The following MMP16 variants were observed in gnomAD, a reference collection of about 807,000 sequenced individuals.
MMP16 encodes matrix metallopeptidase 16.
A neutral mutation model predicts 67.8 loss-of-function variants in MMP16; 12 were observed. The ratio of observed to expected loss-of-function variants is 0.18; its 90% confidence interval spans 0.11 to 0.29. The LOEUF (loss-of-function observed/expected upper bound fraction) is 0.29. MMP16 is among the 10% of genes least tolerant of loss of function. MMP16 has a pLI of 1.00. For missense variants in MMP16, 475 were observed against 765.7 expected, an observed-to-expected ratio of 0.62 and a Z score of 4.48; for synonymous variants, 249 against 255.9, an observed-to-expected ratio of 0.97 and a Z score of 0.26.
At chr8:88,301,050 G>T (rs1395536506) in intron 1 of MMP16, among the ~76,000 whole-genome samples, 1 of 152,094 alleles carries the variant, frequency 6.6e-6, no homozygotes, top group Non-Finnish European at 1.5e-5. Flanking sequence ...CTTTATTTTT[G>T]CCTTATTAAT....
At chr8:88,045,395 G>A (rs1808186260) in intron 9 of MMP16, among the ~76,000 whole-genome samples, 1 of 151,826 alleles carries the variant, frequency 6.6e-6, no homozygotes, top group African/African-American at 2.4e-5. Flanking sequence ...TTTTTAGACA[G>A]AGACTGGCTC....
intron 2 of MMP16, among the ~76,000 whole-genome samples, chr8:88,195,532 A>G (rs2129777325): frequency 6.6e-6 from 1 of 152,308 alleles, no homozygotes; most frequent in East Asian, 1.9e-4. Flanking sequence ...TTTAAATGGA[A>G]TTTGGTACTA....
chr8:88,195,639 A>C lies in MMP16; in HGVS notation c.281+1519T>G, dbSNP rs973045945. Among the ~76,000 whole-genome samples, 7 of 152,192 alleles carry C rather than the reference A, an allele frequency of 4.6e-5. No homozygotes were observed. The South Asian group carries it at 1.2e-3, about 27-fold the overall frequency. ...AAGGGGCATATTATGCCTTAAAATG[A>C]TATTATAGCATTCAGAGAGAATTGC... On this transcript the variant is annotated intron_variant, in intron 2 of 9. Coordinates refer to ENST00000286614, the MANE Select transcript of MMP16 (RefSeq NM_005941.5).
chr8:88,101,293 A>G (rs971966772), intron 6 of MMP16, among the ~76,000 whole-genome samples: 1 of 151,878 alleles, frequency 6.6e-6, no homozygotes, highest in Non-Finnish European at 1.5e-5. Flanking sequence ...CATAAAATAA[A>G]TAGATACATT....
chr8:88,220,135 GAA>G (rs1212514119), intron 1 of MMP16, among the ~76,000 whole-genome samples: 3 of 151,958 alleles, frequency 2.0e-5, no homozygotes, highest in African/African-American at 7.2e-5. Context: ...TTAATATATA[GAA>G]ATTCTTAAAA....
rs558226084 is a variant in MMP16, at chr8:88,088,636, C to T, written c.1084-13893G>A. ...AATCCTCATTACCATTACCTAATTG[C>T]TTTATGCTAATATGCTCTTGAAAGC... On this transcript the variant is annotated intron_variant, in intron 6 of 9. Transcript: ENST00000286614. Among the ~76,000 whole-genome samples, 3 of 152,210 alleles carry T rather than the reference C, an allele frequency of 2.0e-5. No individual in the cohort carries two copies. The East Asian group carries it at 5.8e-4, about 30-fold the overall frequency.
chr8:88,155,833 C>T (rs544661039), intron 4 of MMP16, among the ~76,000 whole-genome samples: 3 of 152,152 alleles, frequency 2.0e-5, no homozygotes, highest in South Asian at 2.1e-4. Context: ...TGATAAAATA[C>T]TTTCAGTGAC....
At chr8:88,120,813 G>C (rs201811283) in intron 4 of MMP16, among the ~76,000 whole-genome samples, 26 of 151,674 alleles carry the variant, frequency 1.7e-4, no homozygotes, top group Admixed American at 1.7e-3. Context: ...TCCCAATGTA[G>C]ACTTACAGGG....
At chr8:88,154,864 T>G (rs1011872942) in intron 4 of MMP16, among the ~76,000 whole-genome samples, 6 of 136,226 alleles carry the variant, frequency 4.4e-5, no homozygotes, top group African/African-American at 1.4e-4. Flanking sequence ...ACTTAAAGTA[T>G]AATACAAAAA....
intron 1 of MMP16, among the ~76,000 whole-genome samples, chr8:88,220,028 C>A (rs947316192): frequency 1.1e-4 from 17 of 152,066 alleles, no homozygotes; most frequent in Admixed American, 9.2e-4. Flanking sequence ...TTCATCTATA[C>A]CCCTTACTCA....
intron 6 of MMP16, among the ~76,000 whole-genome samples, chr8:88,104,808 G>A (rs1200925615): frequency 6.6e-6 from 1 of 151,234 alleles, no homozygotes; most frequent in African/African-American, 2.4e-5. Flanking sequence ...CTGACACTAT[G>A]TAGGCCTAAG....
intron 1 of MMP16, among the ~76,000 whole-genome samples, chr8:88,212,828 A>G (rs1488893101): frequency 6.6e-6 from 1 of 152,204 alleles, no homozygotes; most frequent in African/African-American, 2.4e-5. Flanking sequence ...ATGAAAACAC[A>G]CGTGCATACA....
chr8:88,037,801 T>C lies in MMP16; in HGVS notation c.*3660A>G, dbSNP rs1298791018. The C allele has an allele frequency of 6.6e-6, 1 of 152,032 alleles. No homozygotes were observed. Among genetic ancestry groups the C allele is most frequent in the East Asian group, 1.9e-4 (1 of 5,196 alleles). The allele number at this position is 152,032 out of a possible 1,614,324, so 9.4% of individuals were successfully genotyped here. A position where few individuals can be genotyped will look rare whatever the true frequency, so the allele number is the denominator to read the frequency against. ...TAAAATTCTTAACTATATGGTCATT[T>C]TACATGAAGACCATTACCTTGTTTA... On this transcript the variant is annotated 3_prime_UTR_variant, in exon 10 of 10. Coordinates refer to ENST00000286614, the MANE Select transcript of MMP16 (RefSeq NM_005941.5).
chr8:88,162,915 T>C (rs1332532085), intron 4 of MMP16, among the ~76,000 whole-genome samples: 2 of 152,090 alleles, frequency 1.3e-5, no homozygotes, highest in Non-Finnish European at 2.9e-5. Context: ...ATATCTTTTG[T>C]TTATACATTC....
chr8:88,117,695 T>C (rs1809459429), intron 5 of MMP16, among the ~76,000 whole-genome samples: 1 of 152,044 alleles, frequency 6.6e-6, no homozygotes, highest in African/African-American at 2.4e-5. Context: ...CTGACCTTTT[T>C]TTACAAATCT....
intron 1 of MMP16, among the ~76,000 whole-genome samples, chr8:88,251,003 C>T (rs1354163807): frequency 6.6e-6 from 1 of 150,396 alleles, no homozygotes; most frequent in Non-Finnish European, 1.5e-5. Flanking sequence ...GTTCAATTCC[C>T]ACCTATGAGT....
At chr8:88,179,968 C>T (rs1808952568) in intron 3 of MMP16, among the ~76,000 whole-genome samples, 1 of 152,124 alleles carries the variant, frequency 6.6e-6, no homozygotes, top group African/African-American at 2.4e-5. Flanking sequence ...ATTAATACAA[C>T]TGCATCAATA....
intron 4 of MMP16, among the ~76,000 whole-genome samples, chr8:88,122,817 A>C (rs1807861206): frequency 6.6e-6 from 1 of 151,550 alleles, no homozygotes; most frequent in Non-Finnish European, 1.5e-5. Flanking sequence ...CCACAGCAAA[A>C]TATGGCAGAA....
chr8:88,104,167 C>T (rs1280010161), intron 6 of MMP16, among the ~76,000 whole-genome samples: 1 of 151,622 alleles, frequency 6.6e-6, no homozygotes, highest in Non-Finnish European at 1.5e-5. Context: ...AACATTATTA[C>T]AATAGTACAT....
Sources: allele counts gnomAD v4.1 joint callset (sites outside exome capture counted in the v4.1 genomes callset), GRCh38; gene constraint gnomAD v4.1.1; transcripts MANE v1.5; gene names NCBI Gene and HGNC (gene_info 2026-07-23, HGNC 2026-07-21).